The following GLT1D1 variants were observed in gnomAD, a reference collection of about 807,000 sequenced individuals.
GLT1D1 encodes the protein glycosyltransferase 1 domain-containing protein 1.
Under a neutral mutation model 28.7 loss-of-function variants are expected in GLT1D1, and 21 were observed. The ratio of observed to expected loss-of-function variants is 0.73; its 90% CI spans 0.52 to 1.05. The LOEUF is 1.05. GLT1D1 is among the 50% of genes least tolerant of loss of function. The probability of loss-of-function intolerance (pLI) is 0.00; values close to 1 mark genes in which losing one functional copy is unlikely to be tolerated. For synonymous variants in GLT1D1, 147 were observed against 124.8 expected (o/e 1.18, Z -1.19); for missense variants, 343 against 330.6 (o/e 1.04, Z -0.29).
At chr12:128,969,295 C>T (rs1878800288) in intron 7 of GLT1D1, among the ~76,000 whole-genome samples, 1 of 152,102 alleles carries the variant, frequency 6.6e-6, no homozygotes. Context: ...CTCTCTCTCT[C>T]CCTGTCTCCC....
At position 128,864,053 on chromosome 12, in the gene GLT1D1, G is replaced by A. The variant is rs929079935; in HGVS notation, c.68+10404G>A. On this transcript the variant is annotated intron_variant, in intron 1 of 7. Transcript: ENST00000281703. ...AAGAGCACTAGGGGGACTTCCAGGG[G>A]CCTGGCTTGTGCCGCTGTGTGCACT... 100 of 534,968 alleles carry A rather than the reference G, an allele frequency of 1.9e-4. 1 individual carries two copies. The highest frequency in any genetic ancestry group is 1.8e-3 in the African/African-American group (92 of 51,882). The allele number at this position is 534,968 out of a possible 1,614,324, so 33.1% of individuals were successfully genotyped here. A position where few individuals can be genotyped will look rare whatever the true frequency, so the allele number is the denominator to read the frequency against.
chr12:128,867,896 T>C (rs754523523), intron 1 of GLT1D1, among the ~76,000 whole-genome samples: 1 of 152,140 alleles, frequency 6.6e-6, no homozygotes, highest in Non-Finnish European at 1.5e-5. Flanking sequence ...GGACTCATAA[T>C]GGAAGGATTG....
Position 128,875,958 on chromosome 12 carries a change from C to A in GLT1D1, c.113C>A (p.Ala38Asp), listed in dbSNP as rs1427825383. The stretch of plus-strand genomic sequence containing the variant: ...GGGCACGTGTGCGTTTTGAAGGATG[C>A]CTTTGACTTTGAAAGCCGATCTGAG... Residue 38 changes from alanine to aspartate, a missense_variant, in exon 2 of 8, where the codon GCC becomes GAC. By Grantham distance (126) the Ala-to-Asp change is moderately radical. Transcript: ENST00000281703. The A allele has an allele frequency of 6.2e-7, 1 of 1,614,012 alleles. No individual in the cohort carries two copies. Among genetic ancestry groups the A allele is most frequent in the Non-Finnish European group, 8.5e-7 (1 of 1,179,928 alleles).
intron 7 of GLT1D1, among the ~76,000 whole-genome samples, chr12:128,970,562 G>T (rs1878936905): frequency 1.3e-5 from 2 of 152,340 alleles, no homozygotes; most frequent in South Asian, 4.1e-4. Context: ...GCACCTAGAA[G>T]AAAATGCCAC....
intron 6 of GLT1D1, among the ~76,000 whole-genome samples, chr12:128,952,461 A>ATTTC (rs201173458): frequency 0.34 from 34,639 of 101,714 alleles, 7,043 homozygotes; most frequent in African/African-American, 0.51. Context: ...GAAAAGGGAA[A>ATTTC]TTTCTTTCTT....
At chr12:128,910,327 T>G (rs1320456205) in intron 4 of GLT1D1, among the ~76,000 whole-genome samples, 1 of 151,690 alleles carries the variant, frequency 6.6e-6, no homozygotes, top group Non-Finnish European at 1.5e-5. Context: ...TTTGAGTTTA[T>G]GTATTGCTAA....
intron 4 of GLT1D1, among the ~76,000 whole-genome samples, chr12:128,932,259 G>A (rs1873998984): frequency 6.6e-6 from 1 of 152,156 alleles, no homozygotes; most frequent in South Asian, 2.1e-4. Flanking sequence ...CAACATACGT[G>A]GTAGGCAAGT....
intron 4 of GLT1D1, among the ~76,000 whole-genome samples, chr12:128,905,891 G>A (rs1870813975): frequency 6.6e-6 from 1 of 151,758 alleles, no homozygotes; most frequent in Non-Finnish European, 1.5e-5. Flanking sequence ...GAGTGCAGTG[G>A]CGTGATCGTG....
Position 128,959,075 on chromosome 12 carries a change from C to T in GLT1D1, c.639+1432C>T, listed in dbSNP as rs549580890. The stretch of plus-strand genomic sequence containing the variant: ...CTGGTCTCGAACTCCTGGCCTCAAG[C>T]GATCCATCTGCTTGGTCTCCTGAAG... On this transcript the variant is annotated intron_variant, in intron 7 of 7. Transcript: ENST00000281703. 5.9e-5 allele frequency among the ~76,000 whole-genome samples: 9 copies of T among 151,670 alleles called. No homozygotes were observed. The South Asian group carries it at 6.3e-4, about 11-fold the overall frequency.
intron 2 of GLT1D1, among the ~76,000 whole-genome samples, chr12:128,883,589 CAAA>C (rs202021879): frequency 5.1e-5 from 4 of 77,996 alleles, no homozygotes; most frequent in African/African-American, 8.6e-5. Flanking sequence ...GACTCCATCT[CAAA>C]AAAAAAAAAA....
chr12:128,948,104 C>G (rs1056050970), intron 6 of GLT1D1, among the ~76,000 whole-genome samples: 6 of 152,164 alleles, frequency 3.9e-5, no homozygotes, highest in Non-Finnish European at 8.8e-5. Flanking sequence ...GCTCGTGAAA[C>G]CCAGGCAGGC....
intron 2 of GLT1D1, among the ~76,000 whole-genome samples, chr12:128,883,832 C>A (rs1381794774): frequency 6.6e-6 from 1 of 152,048 alleles, no homozygotes; most frequent in Non-Finnish European, 1.5e-5. Context: ...CATATTAGAG[C>A]AAGGGGTGCA....
At chr12:128,881,626 ATATT>A (rs1277005376) in intron 2 of GLT1D1, among the ~76,000 whole-genome samples, 23 of 137,320 alleles carry the variant, frequency 1.7e-4, no homozygotes, top group East Asian at 6.1e-4. Flanking sequence ...TAAAATAAAT[ATATT>A]TATATACCTA....
At chr12:128,958,127 T>C (rs1259077467) in intron 7 of GLT1D1, among the ~76,000 whole-genome samples, 1 of 152,208 alleles carries the variant, frequency 6.6e-6, no homozygotes, top group African/African-American at 2.4e-5. Flanking sequence ...CAGCTGGTTA[T>C]CCAGTAACTT....
At chr12:128,870,285 A>G (rs2135782587) in intron 1 of GLT1D1, among the ~76,000 whole-genome samples, 1 of 152,306 alleles carries the variant, frequency 6.6e-6, no homozygotes, top group Middle Eastern at 3.4e-3. Context: ...ACAACAAAAA[A>G]ACAAAACCAA....
chr12:128,958,478 C>T (rs1432379105), intron 7 of GLT1D1, among the ~76,000 whole-genome samples: 4 of 151,330 alleles, frequency 2.6e-5, no homozygotes. Context: ...CAGTGGCTCA[C>T]GCCTGTAATC....
chr12:128,957,988 G>A (rs535743554), intron 7 of GLT1D1, among the ~76,000 whole-genome samples: 6 of 152,374 alleles, frequency 3.9e-5, no homozygotes, highest in South Asian at 2.1e-4. Flanking sequence ...TTCAAAGGAC[G>A]GGCGCCTATG....
chr12:128,899,349 C>A, intron 4 of GLT1D1, 62 bp downstream of exon 4: 1 of 1,373,590 alleles, frequency 7.3e-7, no homozygotes. Flanking sequence ...ATTCGAGAAC[C>A]GAAAGGCAGC....
At chr12:128,908,453 CTCTTTCCTTCTT>C (rs763477310) in intron 4 of GLT1D1, among the ~76,000 whole-genome samples, 78 of 142,918 alleles carry the variant, frequency 5.5e-4, no homozygotes, top group African/African-American at 1.0e-3. Context: ...CCTTCTTTCC[CTCTTTCCTTCTT>C]TCTTTCCTTC....
Sources: allele counts gnomAD v4.1 joint callset (sites outside exome capture counted in the v4.1 genomes callset), GRCh38; gene constraint gnomAD v4.1.1; transcripts MANE v1.5; gene names NCBI Gene and HGNC (gene_info 2026-07-23, HGNC 2026-07-21).